Variants in WDR4 observed in about 807,000 individuals in gnomAD.
WDR4 encodes the protein tRNA (guanine-N(7)-)-methyltransferase non-catalytic subunit WDR4.
Under a neutral mutation model 48.6 loss-of-function variants are expected in WDR4, and 47 were observed. That is an observed-to-expected ratio of 0.97 (90% confidence interval 0.77 to 1.23). The LOEUF (loss-of-function observed/expected upper bound fraction) is 1.23, where lower values mean the gene tolerates loss of function less well. Ranked by LOEUF, WDR4 falls within the 50% of genes most tolerant of loss-of-function variation. The pLI is 0.00. For missense variants in WDR4, 606 were observed against 551.6 expected, an observed-to-expected ratio of 1.10 and a Z score of -0.99; for synonymous variants, 268 against 230.0, an observed-to-expected ratio of 1.17 and a Z score of -1.49.
intron 2 of WDR4, among the ~76,000 whole-genome samples, chr21:42,874,465 G>C (rs2058444217): frequency 6.6e-6 from 1 of 152,228 alleles, no homozygotes; most frequent in South Asian, 2.1e-4. Flanking sequence ...GAACAAGAGA[G>C]ATAACCTTAA....
chr21:42,882,379 A>G (rs1213834914), upstream of WDR4, among the ~76,000 whole-genome samples: 3 of 151,064 alleles, frequency 2.0e-5, no homozygotes, highest in Non-Finnish European at 4.4e-5. Context: ...CCTGGCCAAC[A>G]CGGTGAAACC....
chr21:42,885,956 ATTT>A, the WDR4 span, among the ~76,000 whole-genome samples: 4 of 122,804 alleles, frequency 3.3e-5, no homozygotes, highest in Non-Finnish European at 3.4e-5. Flanking sequence ...CTCAGCATAG[ATTT>A]TTTTTTTTTT....
intron 4 of WDR4, 47 bp downstream of exon 4, chr21:42,863,393 G>GTGTCCCACACCTGCCA (rs1569325094): frequency 1.3e-6 from 2 of 1,573,362 alleles, no homozygotes; most frequent in Admixed American, 1.8e-5. Flanking sequence ...CCCATGTACC[G>GTGTCCCACACCTGCCA]TGTCCCACAC....
chr21:42,878,795 A>T (rs547619486), intron 1 of WDR4, among the ~76,000 whole-genome samples: 6 of 152,316 alleles, frequency 3.9e-5, no homozygotes, highest in South Asian at 2.1e-4. Context: ...GCGAAGGGCC[A>T]CTAGGGAGGT....
At chr21:42,863,253 C>T (rs933654897) in intron 4 of WDR4, among the ~76,000 whole-genome samples, 187 bp downstream of exon 4, 11 of 152,196 alleles carry the variant, frequency 7.2e-5, no homozygotes, top group African/African-American at 2.7e-4. Context: ...GGGCACAGAC[C>T]GGGCAGACGT....
chr21:42,887,648 T>C, the WDR4 span, among the ~76,000 whole-genome samples: 1 of 152,226 alleles, frequency 6.6e-6, no homozygotes, highest in Non-Finnish European at 1.5e-5. Context: ...CATCTTTACA[T>C]TTACGTTTCT....
intron 1 of WDR4, 48 bp from the exon 2 acceptor site, chr21:42,876,815 A>T: frequency 6.4e-7 from 1 of 1,569,306 alleles, no homozygotes; most frequent in Non-Finnish European, 8.6e-7. Flanking sequence ...ATTAGAGAGA[A>T]ATAACAAATT....
chr21:42,851,272 G>A (rs2145994888), intron 10 of WDR4, among the ~76,000 whole-genome samples: 1 of 152,336 alleles, frequency 6.6e-6, no homozygotes, highest in East Asian at 1.9e-4. Context: ...CCACTCTGAA[G>A]TGTTCCTAAA....
At chr21:42,858,165 G>C (rs897864525) in intron 6 of WDR4, among the ~76,000 whole-genome samples, 9 of 152,184 alleles carry the variant, frequency 5.9e-5, no homozygotes, top group African/African-American at 2.2e-4. Flanking sequence ...AAGAGGCAGG[G>C]GTAGAGAACA....
chr21:42,871,332 G>A (rs979261702), intron 3 of WDR4, among the ~76,000 whole-genome samples: 1 of 152,186 alleles, frequency 6.6e-6, no homozygotes, highest in Non-Finnish European at 1.5e-5. Context: ...ACACTGAGAG[G>A]TGAAAACCTG....
At chr21:42,884,571 C>T in the WDR4 span, among the ~76,000 whole-genome samples, 6 of 150,446 alleles carry the variant, frequency 4.0e-5, no homozygotes, top group East Asian at 4.0e-4. Context: ...CACTTGAACC[C>T]GGGAGGCAGA....
intron 8 of WDR4, among the ~76,000 whole-genome samples, chr21:42,854,173 G>A (rs1043039698): frequency 1.3e-5 from 2 of 152,242 alleles, no homozygotes; most frequent in African/African-American, 2.4e-5. Flanking sequence ...GGAAGAAGCA[G>A]CAGAACTGCA....
chr21:42,871,179 G>A (rs1305877817), intron 3 of WDR4, among the ~76,000 whole-genome samples: 1 of 152,212 alleles, frequency 6.6e-6, no homozygotes, highest in African/African-American at 2.4e-5. Context: ...AGAGGCCTCA[G>A]AGGAACCAGC....
upstream of WDR4, chr21:42,883,695 C>G (rs2058622149): frequency 6.5e-6 from 1 of 153,656 alleles, no homozygotes; most frequent in African/African-American, 2.4e-5. Flanking sequence ...CTGGCAACAC[C>G]AGAAGCCAAG....
intron 8 of WDR4, among the ~76,000 whole-genome samples, chr21:42,854,343 G>A (rs190111162): frequency 2.0e-4 from 30 of 152,326 alleles, no homozygotes; most frequent in Admixed American, 2.0e-3. Flanking sequence ...TTTACGCCAG[G>A]GGAGTTCAAC....
Position 42,854,544 on chromosome 21 carries a change from G to A in WDR4, c.791+18C>T, listed in dbSNP as rs779659365. ...GGTCTGCAGAACCGGAGGCCATAGA[G>A]GTGCCGCCGCAGCTTACCCGTCGCA... On this transcript the variant is annotated intron_variant, in intron 8 of 10. Transcript: ENST00000398208. 3.7e-6 allele frequency: 6 copies of A among 1,611,052 alleles called. No individual in the cohort carries two copies. The highest frequency in any genetic ancestry group is 4.2e-6 in the Non-Finnish European group (5 of 1,178,896).
chr21:42,878,242 T>C (rs2058546305), intron 1 of WDR4, among the ~76,000 whole-genome samples: 1 of 152,090 alleles, frequency 6.6e-6, no homozygotes, highest in African/African-American at 2.4e-5. Flanking sequence ...GTTTATCCCA[T>C]CCTCACCCCC....
At position 42,850,089 on chromosome 21, in the gene WDR4, G is replaced by T; in HGVS notation, c.1199C>A (p.Ala400Asp). 1 of 1,614,078 alleles carries T rather than the reference G, an allele frequency of 6.2e-7. No homozygotes were observed. The highest frequency in any genetic ancestry group is 8.5e-7 in the Non-Finnish European group (1 of 1,179,980). The change falls in exon 11 of 11, where the codon GCC becomes GAC. Residue 400 changes from alanine to aspartate, a missense_variant. Transcript: ENST00000398208. ...RSPPPGPDGH[A>D]KKMRPGEATL... ...CGCCTCCCCCGGTCTCATCTTCTTG[G>T]CATGCCCGTCGGGCCCAGGCGGGGG...
chr21:42,858,343 G>A (rs915656742), intron 6 of WDR4, among the ~76,000 whole-genome samples: 7 of 152,122 alleles, frequency 4.6e-5, no homozygotes, highest in Non-Finnish European at 7.4e-5. Context: ...GTCACCCCAC[G>A]GACCCACGGC....
Sources: allele counts gnomAD v4.1 joint callset (sites outside exome capture counted in the v4.1 genomes callset), GRCh38; gene constraint gnomAD v4.1.1; transcripts MANE v1.5; gene names NCBI Gene and HGNC (gene_info 2026-07-23, HGNC 2026-07-21).